PPP4R1: variants seen among roughly 807,000 people sequenced by gnomAD.
PPP4R1 encodes the protein serine/threonine-protein phosphatase 4 regulatory subunit 1.
A neutral mutation model predicts 111.2 loss-of-function variants in PPP4R1; 42 were observed. The ratio of observed to expected loss-of-function variants is 0.38; its 90% CI spans 0.29 to 0.49. The LOEUF (loss-of-function observed/expected upper bound fraction) is 0.49. PPP4R1 is among the 20% of genes least tolerant of loss of function. The pLI, the probability that PPP4R1 is intolerant of heterozygous loss-of-function variation, is 0.97. For missense variants in PPP4R1, 1,012 were observed against 1,161.6 expected, an observed-to-expected ratio of 0.87 and a Z score of 1.87; for synonymous variants, 409 against 405.5, an observed-to-expected ratio of 1.01 and a Z score of -0.10.
intron 18 of PPP4R1, chr18:9,549,753 G>A (rs763635250): frequency 1.3e-5 from 7 of 519,812 alleles, no homozygotes; most frequent in African/African-American, 7.6e-5. Context: ...ATATACACAC[G>A]TCTGAATGTG....
In PPP4R1 at chr18:9,614,386, G is replaced by A; in HGVS notation, c.7+92C>T. ...GCGCCTTCCCGCGCCGGGACCCCAC[G>A]CCGGCCCCGGCCCGGCAGCCACTCA... is the stretch of plus-strand genomic sequence containing the variant. On this transcript the variant is annotated intron_variant, in intron 1 of 19. Transcript: ENST00000400556. The surrounding 1 kb of genome is among the most constrained non-coding windows in gnomAD (Gnocchi z 4.1). The A allele has an allele frequency of 1.0e-6, 1 of 957,794 alleles. No individual in the cohort carries two copies. The highest frequency in any genetic ancestry group is 1.2e-6 in the Non-Finnish European group (1 of 808,084). The allele number at this position is 957,794 out of a possible 1,614,324, so 59.3% of individuals were successfully genotyped here.
At chr18:9,603,977 C>T (rs957209549) in intron 2 of PPP4R1, among the ~76,000 whole-genome samples, 2 of 152,100 alleles carry the variant, frequency 1.3e-5, no homozygotes, top group South Asian at 2.1e-4. Flanking sequence ...TTGTCTCTCA[C>T]GGTCTTGCCT....
chr18:9,587,794 C>A (rs2067145526), intron 6 of PPP4R1, among the ~76,000 whole-genome samples: 1 of 151,390 alleles, frequency 6.6e-6, no homozygotes, highest in African/African-American at 2.4e-5. Flanking sequence ...CTCACTACAA[C>A]CTCCACCTCC....
intron 2 of PPP4R1, among the ~76,000 whole-genome samples, chr18:9,605,127 G>C (rs1382994571): frequency 6.6e-6 from 1 of 152,036 alleles, no homozygotes; most frequent in Non-Finnish European, 1.5e-5. Flanking sequence ...ATACTGCTCA[G>C]GCCACAATAA....
At position 9,609,918 on chromosome 18, in the gene PPP4R1, T is replaced by C. The variant is rs73942111; in HGVS notation, c.52+4308A>G. 8.3e-3 allele frequency among the ~76,000 whole-genome samples: 1,258 copies of C among 152,358 alleles called. 19 individuals carry two copies. The highest frequency in any genetic ancestry group is 0.029 in the African/African-American group (1,188 of 41,578). ...TTAGGAGTTTTGTTTCTTTAGTCCC[T>C]TTGGGCATTAGTCAACTTACTTATT... On this transcript the variant is annotated intron_variant, in intron 2 of 19. Transcript: ENST00000400556.
intron 18 of PPP4R1, 144 bp downstream of exon 18, chr18:9,549,908 G>A: frequency 8.1e-7 from 1 of 1,237,810 alleles, no homozygotes; most frequent in Admixed American, 2.6e-5. Context: ...AACAATGGGG[G>A]CAGATGATCC....
At chr18:9,560,743 A>G (rs1383217606) in intron 13 of PPP4R1, among the ~76,000 whole-genome samples, 1 of 152,132 alleles carries the variant, frequency 6.6e-6, no homozygotes, top group East Asian at 1.9e-4. Flanking sequence ...CTGTAGTCCC[A>G]GCTACTTGGG....
intron 2 of PPP4R1, among the ~76,000 whole-genome samples, chr18:9,603,014 G>C (rs568874645): frequency 7.6e-4 from 116 of 152,268 alleles, no homozygotes; most frequent in African/African-American, 2.6e-3. Flanking sequence ...AACAGTGTTA[G>C]GCAAATAAGC....
At chr18:9,564,741 G>T (rs555006) in intron 11 of PPP4R1, among the ~76,000 whole-genome samples, 4,194 of 27,590 alleles carry the variant, frequency 0.15, 111 homozygotes, top group East Asian at 0.3. Flanking sequence ...TGTGTGTGGG[G>T]GTATCATCCC....
chr18:9,594,114 G>C (rs1336936858), intron 3 of PPP4R1: 1 of 326,992 alleles, frequency 3.1e-6, no homozygotes, highest in African/African-American at 2.1e-5. Context: ...ATCTTTAGTA[G>C]AGATGCTGTT....
chr18:9,571,784 G>T (rs1478094167), intron 10 of PPP4R1, among the ~76,000 whole-genome samples: 2 of 152,220 alleles, frequency 1.3e-5, no homozygotes, highest in Admixed American at 6.5e-5. Flanking sequence ...GGAAATGATG[G>T]ATGACAAGGA....
chr18:9,547,989 T>C, intron 19 of PPP4R1, 37 bp from the exon 20 acceptor site: 2 of 1,602,182 alleles, frequency 1.2e-6, no homozygotes, highest in Non-Finnish European at 8.5e-7. Context: ...ATGAAACCAG[T>C]CCAACGGAAC....
Position 9,570,280 on chromosome 18 carries a change from C to T in PPP4R1, c.1450G>A (p.Gly484Arg), listed in dbSNP as rs1036689865. Residue 484 changes from glycine to arginine, a missense_variant, in exon 11 of 20, where the codon GGA becomes AGA. Transcript: ENST00000400556. Reference protein sequence around the residue: ...QNSGGKPSPEGPEEESEGPVP... With the variant: ...QNSGGKPSPERPEEESEGPVP... ...GGGCCCTCAGATTCTTCCTCTGGTC[C>T]CTCTGGGCTGGGTTTTCCCCCAGAG... The T allele has an allele frequency of 3.1e-6, 5 of 1,611,738 alleles. No individual in the cohort carries two copies. The African/African-American group carries it at 6.7e-5, about 22-fold the overall frequency.
intron 17 of PPP4R1, 39 bp downstream of exon 17, chr18:9,550,239 G>C: frequency 6.2e-7 from 1 of 1,613,974 alleles, no homozygotes; most frequent in Non-Finnish European, 8.5e-7. Context: ...TAGGATCTTA[G>C]AGTTTGCTGA....
chr18:9,596,439 T>C (rs1381522814), intron 2 of PPP4R1, among the ~76,000 whole-genome samples: 1 of 152,232 alleles, frequency 6.6e-6, no homozygotes, highest in Non-Finnish European at 1.5e-5. Flanking sequence ...TTAGTTGTTT[T>C]ACTTATAGTC....
intron 15 of PPP4R1, among the ~76,000 whole-genome samples, chr18:9,555,871 T>G (rs566840879): frequency 6.6e-6 from 1 of 152,112 alleles, no homozygotes; most frequent in South Asian, 2.1e-4. Flanking sequence ...GCATGGTGGC[T>G]CACGCCTGTA....
At chr18:9,588,684 T>C (rs995959660) in intron 5 of PPP4R1, 27 bp downstream of exon 5, 1 of 1,568,116 alleles carries the variant, frequency 6.4e-7, no homozygotes. Flanking sequence ...TAAATTTCTT[T>C]TAAGAACATA....
At chr18:9,566,536 A>G (rs1421585408) in intron 11 of PPP4R1, among the ~76,000 whole-genome samples, 2 of 152,008 alleles carry the variant, frequency 1.3e-5, no homozygotes, top group African/African-American at 2.4e-5. Context: ...CTGTAGTCCC[A>G]GCTACTCGGG....
At chr18:9,556,982 C>A in intron 15 of PPP4R1, 1 of 324,310 alleles carries the variant, frequency 3.1e-6, no homozygotes, top group South Asian at 5.2e-5. Flanking sequence ...ACATTTCACT[C>A]AATAATTTTG....
Sources: allele counts gnomAD v4.1 joint callset (sites outside exome capture counted in the v4.1 genomes callset), GRCh38; gene constraint gnomAD v4.1.1; non-coding constraint Gnocchi (gnomAD v3.1); transcripts MANE v1.5; gene names NCBI Gene and HGNC (gene_info 2026-07-23, HGNC 2026-07-21).